Variants in HS6ST3 observed in about 807,000 individuals in gnomAD.
The protein encoded by HS6ST3 is heparan sulfate 6-O-sulfotransferase 3.
Under a neutral mutation model 36.7 loss-of-function variants are expected in HS6ST3, and 12 were observed. That is an observed-to-expected ratio of 0.33 (90% CI 0.21 to 0.53). The LOEUF is 0.53. Ranked by LOEUF, HS6ST3 falls within the 20% of genes least tolerant of loss-of-function variation. The pLI is 0.95. For missense variants in HS6ST3, 584 were observed against 640.9 expected, an observed-to-expected ratio of 0.91 and a Z score of 0.96; for synonymous variants, 240 against 257.5, an observed-to-expected ratio of 0.93 and a Z score of 0.65.
intron 1 of HS6ST3, among the ~76,000 whole-genome samples, chr13:96,150,393 G>A (rs961166303): frequency 3.3e-5 from 5 of 152,054 alleles, no homozygotes; most frequent in Non-Finnish European, 5.9e-5. Flanking sequence ...ACTCTATCGG[G>A]AACTGGCAGC....
intron 1 of HS6ST3, among the ~76,000 whole-genome samples, chr13:96,785,004 C>T (rs911069874): frequency 1.8e-4 from 27 of 152,064 alleles, no homozygotes; most frequent in African/African-American, 5.8e-4. Context: ...CCTGTCTCTA[C>T]GAAAAATACA....
At chr13:96,397,572 A>G (rs1385740531) in intron 1 of HS6ST3, among the ~76,000 whole-genome samples, 1 of 152,226 alleles carries the variant, frequency 6.6e-6, no homozygotes, top group Admixed American at 6.5e-5. Flanking sequence ...CAGAAAGATC[A>G]ATGGAATATT....
At chr13:96,690,753 A>G (rs1472651295) in intron 1 of HS6ST3, among the ~76,000 whole-genome samples, 1 of 152,102 alleles carries the variant, frequency 6.6e-6, no homozygotes, top group Non-Finnish European at 1.5e-5. Context: ...AATAAAATTC[A>G]TTACAAACAC....
chr13:96,472,276 A>C (rs924564855), intron 1 of HS6ST3, among the ~76,000 whole-genome samples: 19 of 152,190 alleles, frequency 1.2e-4, no homozygotes, highest in Non-Finnish European at 2.8e-4. Flanking sequence ...CAAATTCTTT[A>C]AGCATGCTAG....
At chr13:96,235,954 A>G (rs1207813262) in intron 1 of HS6ST3, among the ~76,000 whole-genome samples, 1 of 152,184 alleles carries the variant, frequency 6.6e-6, no homozygotes, top group Non-Finnish European at 1.5e-5. Flanking sequence ...AAGGAAGCCA[A>G]TCCAAGCCCC....
At chr13:96,155,645 G>A (rs1471757470) in intron 1 of HS6ST3, among the ~76,000 whole-genome samples, 1 of 152,114 alleles carries the variant, frequency 6.6e-6, no homozygotes, top group Non-Finnish European at 1.5e-5. Context: ...AAAACCTGAT[G>A]ATAGAAAACA....
In HS6ST3 at chr13:96,112,582, T is replaced by TACATATAC. The variant is rs1321584593; in HGVS notation, c.707+21014_707+21015insCATATACA. Among the ~76,000 whole-genome samples, 2 of 41,758 alleles carry TACATATAC rather than the reference T, an allele frequency of 4.8e-5. 1 individual carries two copies. The highest frequency in any genetic ancestry group is 1.6e-3 in the East Asian group (2 of 1,244). The allele number at this position is 41,758 out of a possible 152,430, so 27.4% of individuals were successfully genotyped here. On this transcript the variant is annotated intron_variant, in intron 1 of 1. Coordinates refer to ENST00000376705, the MANE Select transcript of HS6ST3 (RefSeq NM_153456.4). ...ACCCCATCTCTAAAATAAATAAATA[T>TACATATAC]ATATATATATATATATATATATATA...
intron 1 of HS6ST3, among the ~76,000 whole-genome samples, chr13:96,530,291 C>T (rs2138933996): frequency 6.6e-6 from 1 of 152,246 alleles, no homozygotes; most frequent in Middle Eastern, 3.4e-3. Context: ...ATTAATGGAA[C>T]ATAATTTGAA....
rs145462787 is a variant in HS6ST3, at chr13:96,282,732, A to T, written c.707+191163A>T. Among the ~76,000 whole-genome samples the T allele has an allele frequency of 7.8e-4, 119 of 152,264 alleles. 2 individuals are homozygous for T. In the East Asian group the frequency reaches 0.021, roughly 27 times the overall value. On this transcript the variant is annotated intron_variant, in intron 1 of 1. Transcript: ENST00000376705. ...GGTAGAATTTTTACACTGTCTCATG[A>T]TGCAGTAACCTGAAAGCAAATTTGT...
intron 1 of HS6ST3, among the ~76,000 whole-genome samples, chr13:96,458,968 G>A (rs567531112): frequency 2.5e-4 from 38 of 151,920 alleles, no homozygotes; most frequent in African/African-American, 8.9e-4. Context: ...GCTGGGCATG[G>A]TGGCATGCTC....
In HS6ST3 at chr13:96,199,743, C is replaced by A. The variant is rs535908676; in HGVS notation, c.707+108174C>A. Among the ~76,000 whole-genome samples the A allele has an allele frequency of 4.6e-5, 7 of 152,224 alleles. No individual in the cohort carries two copies. The South Asian group carries it at 1.5e-3, about 32-fold the overall frequency. On this transcript the variant is annotated intron_variant, in intron 1 of 1. Coordinates refer to ENST00000376705, the MANE Select transcript of HS6ST3 (RefSeq NM_153456.4). ...TTGACTTGAATTGTACAAGATAGGCCTACCAAGAAACAACCCTTTTACAAT... is the reference window on the plus strand; with the variant it reads ...TTGACTTGAATTGTACAAGATAGGCATACCAAGAAACAACCCTTTTACAAT...
intron 1 of HS6ST3, among the ~76,000 whole-genome samples, chr13:96,208,030 A>G (rs2054380640): frequency 6.6e-6 from 1 of 152,218 alleles, no homozygotes. Flanking sequence ...GTAAATTATA[A>G]AAAAGGAATA....
chr13:96,261,328 A>G (rs1043728407), intron 1 of HS6ST3, among the ~76,000 whole-genome samples: 1 of 150,580 alleles, frequency 6.6e-6, no homozygotes, highest in Non-Finnish European at 1.5e-5. Context: ...ATATATATGT[A>G]TATATGTATA....
chr13:96,469,722 G>T (rs1322292846), intron 1 of HS6ST3, among the ~76,000 whole-genome samples: 4 of 152,154 alleles, frequency 2.6e-5, no homozygotes, highest in African/African-American at 9.6e-5. Flanking sequence ...AGTAGTGGTG[G>T]TGATGGTGAT....
At chr13:96,740,516 A>G (rs771974597) in intron 1 of HS6ST3, among the ~76,000 whole-genome samples, 2 of 152,212 alleles carry the variant, frequency 1.3e-5, no homozygotes, top group South Asian at 4.1e-4. Flanking sequence ...TAAAATCTCA[A>G]CTATAAGTTG....
intron 1 of HS6ST3, among the ~76,000 whole-genome samples, chr13:96,564,492 T>C (rs1306767373): frequency 6.6e-6 from 1 of 152,186 alleles, no homozygotes; most frequent in Non-Finnish European, 1.5e-5. Context: ...CATCATTTAA[T>C]CACAAAACCT....
At chr13:96,373,400 A>G (rs2055299511) in intron 1 of HS6ST3, among the ~76,000 whole-genome samples, 1 of 152,198 alleles carries the variant, frequency 6.6e-6, no homozygotes, top group South Asian at 2.1e-4. Context: ...GCATACATAA[A>G]TTGAATAGGA....
At chr13:96,609,751 C>A (rs2056450942) in intron 1 of HS6ST3, among the ~76,000 whole-genome samples, 1 of 152,020 alleles carries the variant, frequency 6.6e-6, no homozygotes, top group African/African-American at 2.4e-5. Flanking sequence ...TTGTTATATT[C>A]TATGAAAAAT....
intron 1 of HS6ST3, among the ~76,000 whole-genome samples, chr13:96,437,148 G>A (rs2055647002): frequency 6.6e-6 from 1 of 152,112 alleles, no homozygotes; most frequent in Admixed American, 6.5e-5. Context: ...ACTCCTCTAA[G>A]TTTTGATCTT....
Sources: gnomAD v4.1 joint callset for allele counts (sites outside exome capture counted in the v4.1 genomes callset) on GRCh38, gnomAD v4.1.1 for gene constraint, MANE v1.5 for transcripts, NCBI Gene and HGNC (gene_info 2026-07-23, HGNC 2026-07-21) for gene names.